The following UNC13B variants were observed in gnomAD, a reference collection of about 807,000 sequenced individuals.
UNC13B encodes the protein unc-13 homolog B, also known as protein unc-13 homolog B.
UNC13B carries 144 observed loss-of-function variants against 211.0 expected under a neutral mutation model. The observed-to-expected ratio is 0.68, with a 90% CI of 0.60 to 0.78. The LOEUF (loss-of-function observed/expected upper bound fraction) is 0.78. UNC13B is among the 30% of genes least tolerant of loss of function. The pLI is 0.00. For missense variants in UNC13B, 1,777 were observed against 2,002.0 expected (o/e 0.89, Z 2.14); for synonymous variants, 709 against 725.8 (o/e 0.98, Z 0.37).
chr9:35,361,488 C>T (rs1833408405), intron 11 of UNC13B: 1 of 152,152 alleles, frequency 6.6e-6, no homozygotes, highest in African/African-American at 2.4e-5. Flanking sequence ...GGGCAAGAGA[C>T]ACTTCTTAGA....
intron 7 of UNC13B, among the ~76,000 whole-genome samples, chr9:35,271,391 A>C (rs993103250): frequency 1.5e-4 from 23 of 152,124 alleles, no homozygotes; most frequent in African/African-American, 5.3e-4. Context: ...GCCTCAGTAC[A>C]TCATGTTTAC....
intron 3 of UNC13B, among the ~76,000 whole-genome samples, chr9:35,232,759 G>A (rs1021291261): frequency 2.6e-5 from 4 of 152,148 alleles, no homozygotes; most frequent in African/African-American, 9.7e-5. Flanking sequence ...CTGGCACTCA[G>A]GGAAGAAGTC....
At chr9:35,290,728 T>C (rs956136023) in intron 7 of UNC13B, among the ~76,000 whole-genome samples, 1 of 151,846 alleles carries the variant, frequency 6.6e-6, no homozygotes, top group African/African-American at 2.4e-5. Flanking sequence ...AGGAAAGACA[T>C]GAGCTCCTAA....
intron 6 of UNC13B, among the ~76,000 whole-genome samples, chr9:35,245,612 TC>T (rs1265845892): frequency 1.3e-5 from 2 of 151,210 alleles, no homozygotes; most frequent in African/African-American, 2.4e-5. Flanking sequence ...TGGTTTTTTG[TC>T]CTTGGTGATA....
At chr9:35,255,256 C>G (rs1351042777) in intron 6 of UNC13B, among the ~76,000 whole-genome samples, 1 of 150,364 alleles carries the variant, frequency 6.7e-6, no homozygotes, top group East Asian at 2.0e-4. Flanking sequence ...TAACAGACTT[C>G]ATTTTTTAGA....
intron 1 of UNC13B, among the ~76,000 whole-genome samples, chr9:35,194,207 C>T (rs1003082545): frequency 3.5e-4 from 54 of 152,300 alleles, no homozygotes; most frequent in African/African-American, 1.2e-3. Flanking sequence ...GAGCTATATC[C>T]CCTACAACGT....
At position 35,302,597 on chromosome 9, in the gene UNC13B, C is replaced by A. The variant is rs535834428; in HGVS notation, c.3193C>A (p.Pro1065Thr). 1.6e-4 allele frequency: 62 copies of A among 398,518 alleles called. No individual in the cohort carries two copies. Among genetic ancestry groups the A allele is most frequent in the African/African-American group, 1.2e-3 (57 of 48,696 alleles). 24.7% of individuals were successfully genotyped at this position (398,518 alleles called of 1,614,324 possible). ...ATTTGGGAATATAGAGGAATTAAATCCAAGTGACCACACAGCAGGACAGAA... is the reference window on the plus strand; with the variant it reads ...ATTTGGGAATATAGAGGAATTAAATACAAGTGACCACACAGCAGGACAGAA... ...GKFGNIEELN[P>T]SDHTAGQNFE... Residue 1065 changes from proline to threonine, a missense_variant, in exon 9 of 40, where the codon CCA becomes ACA. Transcript: ENST00000635942.
chr9:35,347,371 T>C (rs979331665), intron 11 of UNC13B, among the ~76,000 whole-genome samples: 5 of 152,194 alleles, frequency 3.3e-5, no homozygotes, highest in African/African-American at 1.2e-4. Flanking sequence ...AAATGGTCCT[T>C]CTTACAGTTT....
At chr9:35,233,970 G>A (rs993860634) in intron 3 of UNC13B, among the ~76,000 whole-genome samples, 17 of 152,164 alleles carry the variant, frequency 1.1e-4, no homozygotes, top group African/African-American at 3.9e-4. Flanking sequence ...CTTCTCCCTA[G>A]AGAGTTCTCT....
chr9:35,319,750 C>T (rs1411199891), intron 11 of UNC13B, among the ~76,000 whole-genome samples: 5 of 151,972 alleles, frequency 3.3e-5, no homozygotes, highest in African/African-American at 1.2e-4. Context: ...AACCTTAACT[C>T]CTGGGCTCAA....
intron 11 of UNC13B, chr9:35,351,298 A>G (rs759003193): frequency 3.3e-6 from 4 of 1,204,522 alleles, no homozygotes; most frequent in Middle Eastern, 3.3e-4. Flanking sequence ...CACTAGCTAC[A>G]GGATAAATCA....
intron 11 of UNC13B, among the ~76,000 whole-genome samples, chr9:35,337,552 C>G (rs180909962): frequency 2.0e-5 from 3 of 152,348 alleles, no homozygotes; most frequent in Admixed American, 2.0e-4. Flanking sequence ...TTCCCTCTTA[C>G]TGTCAGAGAT....
Position 35,295,739 on chromosome 9 carries a change from C to T in UNC13B, c.570C>T (p.Asp190=). 1 of 1,614,146 alleles carries T rather than the reference C, an allele frequency of 6.2e-7. No homozygotes were observed. Among genetic ancestry groups the T allele is most frequent in the Non-Finnish European group, 8.5e-7 (1 of 1,180,028 alleles). Residue 190 remains aspartate, a synonymous_variant, in exon 8 of 40, where the codon GAC becomes GAT. Coordinates refer to ENST00000635942, the MANE Select transcript of UNC13B (RefSeq NM_001371189.2). ...PDSAVDDRDS[D]YRSETSNSFP... ...GTGCCGTCGATGACCGAGATAGTGA[C>T]TATCGCAGTGAGACCAGCAACAGCT... is the stretch of plus-strand genomic sequence containing the variant.
intron 11 of UNC13B, among the ~76,000 whole-genome samples, chr9:35,334,117 C>G (rs1204210694): frequency 2.6e-5 from 4 of 152,136 alleles, no homozygotes; most frequent in Non-Finnish European, 5.9e-5. Flanking sequence ...AGGTGCCCAC[C>G]ACCATAACTG....
chr9:35,301,925 G>A lies in UNC13B; in HGVS notation c.2521G>A (p.Glu841Lys), dbSNP rs139442731. ...SEPVKIRQVEEDGLERGSKKD... is the reference protein window; with the variant it reads ...SEPVKIRQVEKDGLERGSKKD... ...ACCTGTGAAAATTCGCCAGGTGGAG[G>A]AAGATGGTTTAGAAAGGGGCTCTAA... Residue 841 changes from glutamate to lysine, a missense_variant, in exon 9 of 40, where the codon GAA becomes AAA. Transcript: ENST00000635942. 6 of 398,838 alleles carry A rather than the reference G, an allele frequency of 1.5e-5. No homozygotes were observed. In the East Asian group the frequency reaches 2.1e-4, roughly 14 times the overall value. The allele number at this position is 398,838 out of a possible 1,614,324, so 24.7% of individuals were successfully genotyped here. A position where few individuals can be genotyped will look rare whatever the true frequency, so the allele number is the denominator to read the frequency against.
Position 35,301,743 on chromosome 9 carries a change from TAGCTGGCAGTAG to T in UNC13B, c.2341_2352del (p.Ala781_Arg784del). ...AAAGATACTCCAGGACATCCTTGTA[TAGCTGGCAGTAG>T]AACTGCAAATAAAGAGGTATTTTCA... is the stretch of plus-strand genomic sequence containing the variant. On this transcript the variant is annotated inframe_deletion, in exon 9 of 40. Coordinates refer to ENST00000635942, the MANE Select transcript of UNC13B (RefSeq NM_001371189.2). The T allele has an allele frequency of 5.0e-6, 2 of 398,904 alleles. No individual in the cohort carries two copies. The highest frequency in any genetic ancestry group is 8.9e-6 in the Non-Finnish European group (2 of 225,932). The allele number at this position is 398,904 out of a possible 1,614,324, so 24.7% of individuals were successfully genotyped here.
At position 35,295,769 on chromosome 9, in the gene UNC13B, A is replaced by C. The variant is rs1347446468; in HGVS notation, c.600A>C (p.Pro200=). ...DYRSETSNSF[P]PPYHTASQPN... is the part of the protein sequence containing the mutation. ...GCAGTGAGACCAGCAACAGCTTCCC[A>C]CCTCCTTACCATACAGCTTCCCAGC... is the stretch of plus-strand genomic sequence containing the variant. Residue 200 remains proline, a synonymous_variant, in exon 8 of 40, where the codon CCA becomes CCC. Transcript: ENST00000635942. 2.5e-6 allele frequency: 4 copies of C among 1,613,818 alleles called. No individual in the cohort carries two copies. In the South Asian group the frequency reaches 3.3e-5, roughly 13 times the overall value.
At chr9:35,298,782 C>T (rs191482891) in intron 8 of UNC13B, among the ~76,000 whole-genome samples, 1 of 152,136 alleles carries the variant, frequency 6.6e-6, no homozygotes, top group African/African-American at 2.4e-5. Flanking sequence ...AGAAGGCAGT[C>T]TTTAATCTAA....
At chr9:35,220,615 A>G (rs1824517102) in intron 1 of UNC13B, among the ~76,000 whole-genome samples, 1 of 152,190 alleles carries the variant, frequency 6.6e-6, no homozygotes, top group Non-Finnish European at 1.5e-5. Flanking sequence ...ACAGGATGTC[A>G]TTCTTTTTTG....
Sources: gnomAD v4.1 joint callset for allele counts (sites outside exome capture counted in the v4.1 genomes callset) on GRCh38, gnomAD v4.1.1 for gene constraint, MANE v1.5 for transcripts, NCBI Gene and HGNC (gene_info 2026-07-23, HGNC 2026-07-21) for gene names.